Variants in XKR4 observed in about 807,000 individuals in gnomAD.
XKR4 encodes XK related 4.
In XKR4, 12 loss-of-function variants were observed where a neutral mutation model predicts 53.9. The observed-to-expected ratio is 0.22, with a 90% confidence interval of 0.14 to 0.36. The LOEUF (loss-of-function observed/expected upper bound fraction) is 0.36. XKR4 is among the 10% of genes least tolerant of loss of function. The pLI is 1.00. For synonymous variants in XKR4, 354 were observed against 362.4 expected (o/e 0.98, Z 0.26); for missense variants, 799 against 859.5 (o/e 0.93, Z 0.88).
At chr8:55,327,259 A>G (rs998213386) in intron 1 of XKR4, among the ~76,000 whole-genome samples, 4 of 152,098 alleles carry the variant, frequency 2.6e-5, no homozygotes, top group African/African-American at 7.2e-5. Flanking sequence ...AAGTCAGGGC[A>G]CTTTTATTGA....
intron 1 of XKR4, among the ~76,000 whole-genome samples, chr8:55,158,740 C>T (rs1816941880): frequency 6.6e-6 from 1 of 151,836 alleles, no homozygotes; most frequent in Admixed American, 6.6e-5. Flanking sequence ...TTCCATTTAC[C>T]TTTCCACATT....
intron 1 of XKR4, among the ~76,000 whole-genome samples, chr8:55,316,331 C>T (rs1428773736): frequency 6.6e-6 from 1 of 152,168 alleles, no homozygotes. Flanking sequence ...GATCTCCAGC[C>T]TCACCGTGGT....
chr8:55,462,007 C>T (rs1805666031), intron 2 of XKR4, among the ~76,000 whole-genome samples: 1 of 152,196 alleles, frequency 6.6e-6, no homozygotes, highest in Non-Finnish European at 1.5e-5. Flanking sequence ...CTTGGTGTAC[C>T]TGAAAGTGAC....
intron 1 of XKR4, among the ~76,000 whole-genome samples, chr8:55,123,071 A>G (rs1431265820): frequency 6.6e-6 from 1 of 151,800 alleles, no homozygotes; most frequent in Non-Finnish European, 1.5e-5. Flanking sequence ...ATTCAGATTG[A>G]CTCTTGGTTT....
intron 1 of XKR4, among the ~76,000 whole-genome samples, chr8:55,206,250 G>A (rs147878799): frequency 0.051 from 7,722 of 152,214 alleles, 496 homozygotes; most frequent in African/African-American, 0.15. Flanking sequence ...TCCCTTATTT[G>A]GCCCCACCCA....
chr8:55,400,041 G>T (rs2080231229), intron 2 of XKR4, among the ~76,000 whole-genome samples: 1 of 152,174 alleles, frequency 6.6e-6, no homozygotes, highest in South Asian at 2.1e-4. Context: ...CATCTCTGAT[G>T]CATCCATACC....
chr8:55,439,409 CAGA>C (rs1184690512), intron 2 of XKR4, among the ~76,000 whole-genome samples: 6 of 152,068 alleles, frequency 3.9e-5, no homozygotes, highest in Non-Finnish European at 8.8e-5. Flanking sequence ...GAGTGTGAGG[CAGA>C]AGACCTCAGC....
intron 2 of XKR4, among the ~76,000 whole-genome samples, chr8:55,496,295 G>T (rs1221000711): frequency 6.6e-6 from 1 of 152,130 alleles, no homozygotes; most frequent in Non-Finnish European, 1.5e-5. Flanking sequence ...TATTCACCCT[G>T]GCTGCCAATT....
chr8:55,132,004 C>T (rs1047209813), intron 1 of XKR4, among the ~76,000 whole-genome samples: 22 of 152,224 alleles, frequency 1.4e-4, no homozygotes, highest in South Asian at 4.1e-4. Context: ...GCAGGTGTAG[C>T]GCAGAGCCCG....
At chr8:55,477,895 A>C (rs202165775) in intron 2 of XKR4, among the ~76,000 whole-genome samples, 1 of 152,096 alleles carries the variant, frequency 6.6e-6, no homozygotes, top group Non-Finnish European at 1.5e-5. Flanking sequence ...CCAAGAAATA[A>C]GGGACTATGT....
chr8:55,404,677 C>T (rs767393109), intron 2 of XKR4, among the ~76,000 whole-genome samples: 2 of 152,194 alleles, frequency 1.3e-5, no homozygotes, highest in Non-Finnish European at 2.9e-5. Flanking sequence ...TCTGAGCATG[C>T]CCTGTTTCTC....
intron 1 of XKR4, chr8:55,164,789 TAC>T (rs3048687): frequency 0.76 from 126,263 of 166,996 alleles, 48,412 homozygotes; most frequent in African/African-American, 0.86. Flanking sequence ...CACACACACA[TAC>T]ACACACACAC....
At chr8:55,197,108 A>T (rs897934934) in intron 1 of XKR4, among the ~76,000 whole-genome samples, 2 of 152,118 alleles carry the variant, frequency 1.3e-5, no homozygotes, top group African/African-American at 4.8e-5. Context: ...TGAGGACCTG[A>T]TGGTTTACAC....
At chr8:55,423,538 C>T (rs1042144816) in intron 2 of XKR4, among the ~76,000 whole-genome samples, 1 of 152,190 alleles carries the variant, frequency 6.6e-6, no homozygotes, top group African/African-American at 2.4e-5. Context: ...TGATCTGTTA[C>T]TTGATCTTAA....
At chr8:55,452,288 G>T (rs1390364409) in intron 2 of XKR4, 2 of 650,780 alleles carry the variant, frequency 3.1e-6, no homozygotes, top group Non-Finnish European at 5.7e-6. Flanking sequence ...GGATGCTGAT[G>T]CATTTCTCCT....
At chr8:55,197,001 C>A (rs1362892890) in intron 1 of XKR4, among the ~76,000 whole-genome samples, 1 of 152,096 alleles carries the variant, frequency 6.6e-6, no homozygotes, top group Admixed American at 6.5e-5. Context: ...AGCTCAGTAA[C>A]TAGTAACACA....
intron 1 of XKR4, among the ~76,000 whole-genome samples, chr8:55,315,009 AG>A (rs1472135979): frequency 6.6e-6 from 1 of 152,200 alleles, no homozygotes; most frequent in East Asian, 1.9e-4. Flanking sequence ...TTCCTAAACT[AG>A]GTGATTTCAC....
At chr8:55,467,423 A>G (rs1356609196) in intron 2 of XKR4, among the ~76,000 whole-genome samples, 1 of 152,146 alleles carries the variant, frequency 6.6e-6, no homozygotes, top group African/African-American at 2.4e-5. Flanking sequence ...CAGGAGTGCT[A>G]TCCCTTCATA....
chr8:55,182,963 G>A lies in XKR4; in HGVS notation c.806+79669G>A, dbSNP rs138172761. Among the ~76,000 whole-genome samples the A allele has an allele frequency of 1.8e-3, 275 of 151,962 alleles. 1 individual carries two copies. Among genetic ancestry groups the A allele is most frequent in the East Asian group, 0.013 (69 of 5,154 alleles). On this transcript the variant is annotated intron_variant, in intron 1 of 2. Transcript: ENST00000327381. ...TCTCTCCATTTATTTGTCTTAAAAC[G>A]TTTGTAATGAGCATTTTGGTAGTTT...
Sources: gnomAD v4.1 joint callset for allele counts (sites outside exome capture counted in the v4.1 genomes callset) on GRCh38, gnomAD v4.1.1 for gene constraint, MANE v1.5 for transcripts, NCBI Gene and HGNC (gene_info 2026-07-23, HGNC 2026-07-21) for gene names.